The following ST8SIA2 variants were observed in gnomAD, a reference collection of about 807,000 sequenced individuals.
The protein encoded by ST8SIA2 is ST8 alpha-N-acetyl-neuraminide alpha-2,8-sialyltransferase 2, also known as alpha-2,8-sialyltransferase 8B.
A neutral mutation model predicts 37.6 loss-of-function variants in ST8SIA2; 22 were observed. That is an observed-to-expected ratio of 0.58 (90% CI 0.42 to 0.83). ST8SIA2 has a LOEUF of 0.83. Among genes scored for constraint, ST8SIA2 ranks in the 40% least tolerant of loss-of-function variants. The pLI, the probability that ST8SIA2 is intolerant of heterozygous loss-of-function variation, is 0.00. For missense variants in ST8SIA2, 382 were observed against 484.7 expected (o/e 0.79, Z 1.99); for synonymous variants, 205 against 201.2 (o/e 1.02, Z -0.16).
At chr15:92,458,265 T>C (rs2049933283) in intron 5 of ST8SIA2, among the ~76,000 whole-genome samples, 1 of 152,170 alleles carries the variant, frequency 6.6e-6, no homozygotes, top group African/African-American at 2.4e-5. Flanking sequence ...CAGGAGACTT[T>C]GAAGTTCTCC....
intron 1 of ST8SIA2, among the ~76,000 whole-genome samples, chr15:92,429,294 G>A (rs1222375932): frequency 1.3e-5 from 2 of 152,170 alleles, no homozygotes; most frequent in African/African-American, 4.8e-5. Flanking sequence ...CGAGGCACAT[G>A]TATTTATCCA....
At position 92,440,615 on chromosome 15, in the gene ST8SIA2, A is replaced by G. The variant is rs570570033; in HGVS notation, c.548+2005A>G. 2.6e-5 allele frequency among the ~76,000 whole-genome samples: 4 copies of G among 152,248 alleles called. No homozygotes were observed. The East Asian group carries it at 7.7e-4, about 29-fold the overall frequency. ...AAACTCCCACGTGTCTCTGGGGTGGACCTGTGGGGTGTTTTAGGACAAGAT... is the reference window on the plus strand; with the variant it reads ...AAACTCCCACGTGTCTCTGGGGTGGGCCTGTGGGGTGTTTTAGGACAAGAT... On this transcript the variant is annotated intron_variant, in intron 4 of 5. Coordinates refer to ENST00000268164, the MANE Select transcript of ST8SIA2 (RefSeq NM_006011.4).
Position 92,434,869 on chromosome 15 carries a change from G to A in ST8SIA2, c.290+494G>A, listed in dbSNP as rs17703290. Among the ~76,000 whole-genome samples, 158 of 151,948 alleles carry A rather than the reference G, an allele frequency of 1.0e-3. 1 individual carries two copies. In the East Asian group the frequency reaches 0.019, roughly 18 times the overall value. On this transcript the variant is annotated intron_variant, in intron 3 of 5. Coordinates refer to ENST00000268164, the MANE Select transcript of ST8SIA2 (RefSeq NM_006011.4). ...AAAACCTAGAGCCATAGGGGCATCC[G>A]GAGAACCCAGGAACTGACATGACAC...
At chr15:92,400,130 C>T (rs1243766206) in intron 1 of ST8SIA2, among the ~76,000 whole-genome samples, 2 of 152,246 alleles carry the variant, frequency 1.3e-5, no homozygotes, top group African/African-American at 4.8e-5. Flanking sequence ...CTGCTCCTCC[C>T]AGGCCCTTCC....
intron 5 of ST8SIA2, among the ~76,000 whole-genome samples, chr15:92,459,651 G>A (rs1366168892): frequency 2.6e-5 from 4 of 152,136 alleles, no homozygotes; most frequent in Non-Finnish European, 5.9e-5. Context: ...CCAGACTGGA[G>A]GGCAATGGCG....
Position 92,444,485 on chromosome 15 carries a change from G to A in ST8SIA2, c.549-151G>A. 6 of 886,846 alleles carry A rather than the reference G, an allele frequency of 6.8e-6. No individual in the cohort carries two copies. In the Admixed American group the frequency reaches 1.3e-4, roughly 19 times the overall value. The allele number at this position is 886,846 out of a possible 1,614,324, so 54.9% of individuals were successfully genotyped here. ...TGGCAGAAAAAGGAGGAGAAAGGATGATGGGAGGGGCCTGTGAGTGTGGAG... is the reference window on the plus strand; with the variant it reads ...TGGCAGAAAAAGGAGGAGAAAGGATAATGGGAGGGGCCTGTGAGTGTGGAG... On this transcript the variant is annotated intron_variant, in intron 4 of 5. Coordinates refer to ENST00000268164, the MANE Select transcript of ST8SIA2 (RefSeq NM_006011.4).
intron 5 of ST8SIA2, 103 bp from the exon 6 acceptor site, chr15:92,463,997 C>T: frequency 6.8e-7 from 1 of 1,469,624 alleles, no homozygotes. Context: ...CCTGGAGTGG[C>T]AGAAGGCAGG....
intron 1 of ST8SIA2, among the ~76,000 whole-genome samples, chr15:92,396,605 T>C (rs975823017): frequency 6.6e-6 from 1 of 152,090 alleles, no homozygotes; most frequent in African/African-American, 2.4e-5. Flanking sequence ...GCAATTCTCC[T>C]GTTTCAGCCT....
intron 1 of ST8SIA2, among the ~76,000 whole-genome samples, chr15:92,406,994 C>CAA (rs1163260963): frequency 1.4e-4 from 7 of 51,266 alleles, no homozygotes; most frequent in East Asian, 5.6e-4. Flanking sequence ...AACCCTGTCT[C>CAA]AAAAAAAAAA....
intron 1 of ST8SIA2, among the ~76,000 whole-genome samples, chr15:92,428,917 A>G (rs887597258): frequency 1.3e-5 from 2 of 152,232 alleles, no homozygotes; most frequent in Non-Finnish European, 2.9e-5. Flanking sequence ...TGGAAAAGAC[A>G]TGTACATATA....
At position 92,467,188 on chromosome 15, in the gene ST8SIA2, G is replaced by T. The variant is rs1297810430; in HGVS notation, c.*2803G>T. ...TGGAAGAGACGGAGCCTTCTGAAATGAGATCTACCCTGAAAATCTCTTCTC... is the reference window on the plus strand; with the variant it reads ...TGGAAGAGACGGAGCCTTCTGAAATTAGATCTACCCTGAAAATCTCTTCTC... On this transcript the variant is annotated 3_prime_UTR_variant, in exon 6 of 6. Coordinates refer to ENST00000268164, the MANE Select transcript of ST8SIA2 (RefSeq NM_006011.4). 6.5e-6 allele frequency: 1 copy of T among 152,924 alleles called. No individual in the cohort carries two copies. Among genetic ancestry groups the T allele is most frequent in the Non-Finnish European group, 1.5e-5 (1 of 68,096 alleles). 9.5% of individuals were successfully genotyped at this position (152,924 alleles called of 1,614,324 possible). A position where few individuals can be genotyped will look rare whatever the true frequency, so the allele number is the denominator to read the frequency against.
At chr15:92,395,985 T>G (rs1004729972) in intron 1 of ST8SIA2, among the ~76,000 whole-genome samples, 4 of 152,230 alleles carry the variant, frequency 2.6e-5, no homozygotes, top group Admixed American at 6.5e-5. Flanking sequence ...TGTTGCACTT[T>G]CTTGCCAAAT....
At position 92,444,886 on chromosome 15, in the gene ST8SIA2, C is replaced by A; in HGVS notation, c.799C>A (p.Arg267Ser). ...TATCCTGAAGCACCACGTCAACGTG[C>A]GCACTGCATACCCCTCGCTGCGCCT... ...ELILKHHVNV[R>S]TAYPSLRLLH... The change falls in exon 5 of 6, where the codon CGC (arginine) becomes AGC (serine). Residue 267 changes from arginine to serine, a missense_variant. Physicochemically the swap from Arg to Ser is moderately radical, Grantham distance 110 (BLOSUM62 -1). Coordinates refer to ENST00000268164, the MANE Select transcript of ST8SIA2 (RefSeq NM_006011.4). The A allele has an allele frequency of 6.2e-7, 1 of 1,613,406 alleles. No homozygotes were observed. Among genetic ancestry groups the A allele is most frequent in the Admixed American group, 1.7e-5 (1 of 60,034 alleles).
At chr15:92,452,535 C>T (rs569822942) in intron 5 of ST8SIA2, among the ~76,000 whole-genome samples, 3 of 152,202 alleles carry the variant, frequency 2.0e-5, no homozygotes, top group Non-Finnish European at 4.4e-5. Flanking sequence ...CAATGGTGAG[C>T]TTAATGTCAA....
At chr15:92,430,526 G>A (rs947192342) in intron 2 of ST8SIA2, among the ~76,000 whole-genome samples, 9 of 152,220 alleles carry the variant, frequency 5.9e-5, no homozygotes, top group African/African-American at 1.9e-4. Flanking sequence ...ACTTTGCTGA[G>A]ACCTCTTAAA....
At chr15:92,444,423 A>C (rs2049825316) in intron 4 of ST8SIA2, among the ~76,000 whole-genome samples, 1 of 152,192 alleles carries the variant, frequency 6.6e-6, no homozygotes, top group African/African-American at 2.4e-5. Flanking sequence ...GGTCTAGCAA[A>C]GTTCTAGGTA....
intron 1 of ST8SIA2, among the ~76,000 whole-genome samples, chr15:92,429,319 G>A (rs1028303682): frequency 5.9e-5 from 9 of 152,186 alleles, no homozygotes; most frequent in African/African-American, 2.2e-4. Context: ...CCAACCTAAC[G>A]TGTCAGTGAA....
At chr15:92,402,607 G>C (rs754333767) in intron 1 of ST8SIA2, among the ~76,000 whole-genome samples, 1 of 152,186 alleles carries the variant, frequency 6.6e-6, no homozygotes, top group Non-Finnish European at 1.5e-5. Context: ...GGGATGTAGC[G>C]ATGCTGAAGG....
At chr15:92,411,122 T>A (rs760647392) in intron 1 of ST8SIA2, among the ~76,000 whole-genome samples, 30 of 152,190 alleles carry the variant, frequency 2.0e-4, no homozygotes, top group Non-Finnish European at 3.1e-4. Flanking sequence ...TCCGGAGACC[T>A]CTAAAGAATC....
Sources: gnomAD v4.1 joint callset for allele counts (sites outside exome capture counted in the v4.1 genomes callset) on GRCh38, gnomAD v4.1.1 for gene constraint, MANE v1.5 for transcripts, NCBI Gene and HGNC (gene_info 2026-07-23, HGNC 2026-07-21) for gene names.